Variants in GYS2 observed in about 807,000 individuals in gnomAD.
GYS2 encodes glycogen synthase 2.
A neutral mutation model predicts 85.6 loss-of-function variants in GYS2; 80 were observed. The observed-to-expected ratio is 0.93, with a 90% CI of 0.78 to 1.13. The LOEUF (loss-of-function observed/expected upper bound fraction) is 1.13, where lower values mean the gene tolerates loss of function less well. Among genes scored for constraint, GYS2 ranks in the 50% most tolerant of loss-of-function variants. GYS2 has a pLI of 0.00. For missense variants in GYS2, 881 were observed against 854.9 expected (o/e 1.03, Z -0.38); for synonymous variants, 328 against 300.7 (o/e 1.09, Z -0.94).
chr12:21,599,775 A>C (rs1238672249), intron 1 of GYS2, among the ~76,000 whole-genome samples: 2 of 152,156 alleles, frequency 1.3e-5, no homozygotes, highest in African/African-American at 4.8e-5. Context: ...TAAAAATGCA[A>C]TTATGGACTC....
At chr12:21,572,868 T>C (rs1944402243) in intron 4 of GYS2, among the ~76,000 whole-genome samples, 1 of 152,156 alleles carries the variant, frequency 6.6e-6, no homozygotes, top group South Asian at 2.1e-4. Context: ...AATCTGCCAC[T>C]CTAATATTTT....
intron 5 of GYS2, among the ~76,000 whole-genome samples, chr12:21,568,366 GC>G (rs1335077137): frequency 1.3e-5 from 2 of 152,150 alleles, no homozygotes; most frequent in Non-Finnish European, 2.9e-5. Context: ...TGTCTTATGA[GC>G]ATGAGTTCTT....
chr12:21,579,256 A>G (rs1262296121), intron 2 of GYS2, among the ~76,000 whole-genome samples: 3 of 152,132 alleles, frequency 2.0e-5, no homozygotes, highest in Non-Finnish European at 4.4e-5. Flanking sequence ...ACAGATATTG[A>G]AGTCAGTAGT....
intron 6 of GYS2, 46 bp downstream of exon 6, chr12:21,563,182 A>G (rs775283658): frequency 8.1e-7 from 1 of 1,239,228 alleles, no homozygotes; most frequent in Admixed American, 1.7e-5. Context: ...ACCAAAGATC[A>G]CTCATATCTG....
Position 21,559,135 on chromosome 12 carries a change from G to C in GYS2, c.1264C>G (p.Arg422Gly), listed in dbSNP as rs755733385. The C allele has an allele frequency of 1.9e-6, 3 of 1,608,942 alleles. No individual in the cohort carries two copies. Among genetic ancestry groups the C allele is most frequent in the East Asian group, 2.2e-5 (1 of 44,650 alleles). ...CTTTTCATAATTGTTAGATCATCTC[G>C]ATCTAAAATATCGTTCAGGTCAGGA... ...EIPDLNDILDRDDLTIMKRAI... is the reference protein window; with the variant it reads ...EIPDLNDILDGDDLTIMKRAI... The change falls in exon 10 of 16, where the codon CGA (arginine) becomes GGA (glycine). Residue 422 changes from arginine to glycine, a missense_variant. Coordinates refer to ENST00000261195, the MANE Select transcript of GYS2 (RefSeq NM_021957.4).
At chr12:21,555,113 T>C (rs774691025) in intron 11 of GYS2, among the ~76,000 whole-genome samples, 1 of 152,168 alleles carries the variant, frequency 6.6e-6, no homozygotes, top group African/African-American at 2.4e-5. Flanking sequence ...CAAAATGTTC[T>C]GAGAAAAACA....
intron 1 of GYS2, among the ~76,000 whole-genome samples, chr12:21,599,556 G>T (rs1302940602): frequency 6.6e-6 from 1 of 152,146 alleles, no homozygotes; most frequent in African/African-American, 2.4e-5. Flanking sequence ...GTAGACTAGT[G>T]CTTTCCTTGA....
At chr12:21,584,843 A>C (rs532398205) in intron 1 of GYS2, among the ~76,000 whole-genome samples, 24 of 152,272 alleles carry the variant, frequency 1.6e-4, no homozygotes, top group African/African-American at 5.8e-4. Flanking sequence ...TCCACACAGC[A>C]TTGCTTCTGA....
intron 15 of GYS2, among the ~76,000 whole-genome samples, chr12:21,537,940 CTT>C (rs1943929546): frequency 6.6e-6 from 1 of 152,138 alleles, no homozygotes; most frequent in Non-Finnish European, 1.5e-5. Context: ...ATTTCAATTA[CTT>C]TATACATTAT....
chr12:21,575,789 A>G, intron 3 of GYS2, 77 bp downstream of exon 3: 1 of 1,120,084 alleles, frequency 8.9e-7, no homozygotes. Context: ...GCCTCATTTA[A>G]AGATCATGGG....
chr12:21,579,586 T>C (rs1269198411), intron 2 of GYS2, among the ~76,000 whole-genome samples: 3 of 152,012 alleles, frequency 2.0e-5, no homozygotes, highest in African/African-American at 7.2e-5. Context: ...GTCTTGAACT[T>C]CTGACCTCAG....
chr12:21,579,738 C>T (rs1017344941), intron 2 of GYS2, among the ~76,000 whole-genome samples: 1 of 152,160 alleles, frequency 6.6e-6, no homozygotes, highest in African/African-American at 2.4e-5. Context: ...CCTTCAACCT[C>T]TGCTTTCATT....
intron 3 of GYS2, 82 bp downstream of exon 3, chr12:21,575,784 A>T: frequency 2.8e-6 from 3 of 1,081,856 alleles, no homozygotes; most frequent in Non-Finnish European, 4.3e-6. Flanking sequence ...AATCTGCCTC[A>T]TTTAAAGATC....
Position 21,552,641 on chromosome 12 carries a change from C to T in GYS2, c.1422+5559G>A, listed in dbSNP as rs541850991. Among the ~76,000 whole-genome samples the T allele has an allele frequency of 2.2e-4, 34 of 152,244 alleles. No homozygotes were observed. In the South Asian group the frequency reaches 6.8e-3, roughly 31 times the overall value. On this transcript the variant is annotated intron_variant, in intron 11 of 15. Coordinates refer to ENST00000261195, the MANE Select transcript of GYS2 (RefSeq NM_021957.4). ...TATTTTGTGTGTGTGTCTGTGGCTG[C>T]CTTATGATAATAAATGAGCATCTCA...
chr12:21,576,203 C>A, intron 2 of GYS2, 146 bp from the exon 3 acceptor site: 1 of 686,566 alleles, frequency 1.5e-6, no homozygotes, highest in African/African-American at 1.8e-5. Context: ...TAACATATAG[C>A]CTCTGCTGTT....
At chr12:21,550,505 C>T (rs750432418) in intron 11 of GYS2, among the ~76,000 whole-genome samples, 1 of 152,116 alleles carries the variant, frequency 6.6e-6, no homozygotes. Flanking sequence ...TTTGTGTAGA[C>T]ATTTCTCAAA....
At chr12:21,602,893 C>T (rs553608930) in intron 1 of GYS2, among the ~76,000 whole-genome samples, 1 of 152,050 alleles carries the variant, frequency 6.6e-6, no homozygotes, top group Non-Finnish European at 1.5e-5. Context: ...TGCTCAGGTG[C>T]AGGAACTTGT....
chr12:21,568,444 A>G (rs4459361), intron 5 of GYS2, among the ~76,000 whole-genome samples: 114,902 of 152,046 alleles, frequency 0.76, 43,644 homozygotes, highest in South Asian at 0.8. Context: ...TCTGGGGATA[A>G]GTAATATAAA....
chr12:21,598,867 G>A lies in GYS2; in HGVS notation c.121+5605C>T, dbSNP rs74608061. ...ATCTCTATTTTCCTGGAACAACATG[G>A]GGGCTATGTTTAGCGTGAGGACAAA... is the stretch of plus-strand genomic sequence containing the variant. On this transcript the variant is annotated intron_variant, in intron 1 of 15. Transcript: ENST00000261195. Among the ~76,000 whole-genome samples, 577 of 152,036 alleles carry A rather than the reference G, an allele frequency of 3.8e-3. 3 individuals are homozygous for A. Among genetic ancestry groups the A allele is most frequent in the African/African-American group, 0.013 (523 of 41,454 alleles).
Sources: allele counts gnomAD v4.1 joint callset (sites outside exome capture counted in the v4.1 genomes callset), GRCh38; gene constraint gnomAD v4.1.1; transcripts MANE v1.5; gene names NCBI Gene and HGNC (gene_info 2026-07-23, HGNC 2026-07-21).